The following NHS variants were observed in gnomAD, a reference collection of about 807,000 sequenced individuals.
NHS encodes actin remodeling regulator NHS.
A neutral mutation model predicts 72.5 loss-of-function variants in NHS; 5 were observed. The ratio of observed to expected loss-of-function variants is 0.07; its 90% CI spans 0.04 to 0.14. NHS has a LOEUF of 0.14. Ranked by LOEUF, NHS falls within the 10% of genes least tolerant of loss-of-function variation. The pLI is 1.00. For missense variants in NHS, 1,072 were observed against 1,355.7 expected (o/e 0.79, Z 3.29); for synonymous variants, 464 against 547.7 (o/e 0.85, Z 2.13).
At chrX:17,574,204 T>A (rs971343621) in intron 1 of NHS, among the ~76,000 whole-genome samples, 3 of 112,070 alleles carry the variant, frequency 2.7e-5, no homozygotes, top group Non-Finnish European at 3.8e-5. Context: ...GAACCACTGC[T>A]CTCTTCAGAG....
intron 1 of NHS, among the ~76,000 whole-genome samples, chrX:17,529,950 C>G (rs1200020943): frequency 9.0e-6 from 1 of 111,112 alleles, no homozygotes; most frequent in Non-Finnish European, 1.9e-5. Flanking sequence ...GTGCCTTTCA[C>G]TTCGCTTGGA....
chrX:17,461,613 G>A (rs144546543), intron 1 of NHS, among the ~76,000 whole-genome samples: 303 of 113,133 alleles, frequency 2.7e-3, no homozygotes, highest in African/African-American at 9.0e-3. Flanking sequence ...CTACATGTTA[G>A]ACTCTACAAG....
chrX:17,569,974 G>A (rs909696081), intron 1 of NHS, among the ~76,000 whole-genome samples: 2 of 111,817 alleles, frequency 1.8e-5, no homozygotes, highest in African/African-American at 6.5e-5. Context: ...AGATCAGATG[G>A]TGGTACATGT....
chrX:17,586,207 G>C (rs1232043346), intron 1 of NHS: 2 of 111,211 alleles, frequency 1.8e-5, no homozygotes, highest in Non-Finnish European at 3.8e-5. Context: ...GAACCATGTT[G>C]GTGGTCTGAG....
chrX:17,403,392 G>T (rs766129310), intron 1 of NHS, among the ~76,000 whole-genome samples: 135 of 111,779 alleles, frequency 1.2e-3, no homozygotes, highest in African/African-American at 4.2e-3. Flanking sequence ...AACGATTGCA[G>T]GCTCCAAGCC....
At chrX:17,446,204 C>T (rs2064779006) in intron 1 of NHS, among the ~76,000 whole-genome samples, 2 of 110,600 alleles carry the variant, frequency 1.8e-5, no homozygotes, top group South Asian at 7.9e-4. Flanking sequence ...TGAGAAACAT[C>T]GCCCATTATC....
chrX:17,560,799 C>T (rs1419244736), intron 1 of NHS, among the ~76,000 whole-genome samples: 1 of 112,519 alleles, frequency 8.9e-6, no homozygotes, highest in African/African-American at 3.2e-5. Flanking sequence ...ATTCTTTAGA[C>T]ATTCAAGTTT....
intron 1 of NHS, among the ~76,000 whole-genome samples, chrX:17,599,750 C>G (rs1286189898): frequency 9.9e-5 from 11 of 111,361 alleles, no homozygotes; most frequent in Non-Finnish European, 1.9e-5. Flanking sequence ...CATTATTTAA[C>G]GGGATGGGTT....
chrX:17,537,397 C>G (rs764807671), intron 1 of NHS, among the ~76,000 whole-genome samples: 3 of 112,547 alleles, frequency 2.7e-5, no homozygotes, highest in African/African-American at 9.7e-5. Flanking sequence ...GAGGAGAAAG[C>G]AAAGTGAATT....
chrX:17,718,791 A>AGAAG (rs1447749666), intron 3 of NHS, among the ~76,000 whole-genome samples: 1 of 79,992 alleles, frequency 1.3e-5, no homozygotes, highest in Non-Finnish European at 2.5e-5. Context: ...AAGGAGGGAA[A>AGAAG]GAAGGAAGGA....
chrX:17,378,907 A>G (rs1051286922), intron 1 of NHS, among the ~76,000 whole-genome samples: 1 of 111,760 alleles, frequency 8.9e-6, no homozygotes, highest in Non-Finnish European at 1.9e-5. Context: ...CAAAAAGCCT[A>G]TGATGTGCAC....
At chrX:17,424,845 C>T (rs755736027) in intron 1 of NHS, among the ~76,000 whole-genome samples, 87 of 111,717 alleles carry the variant, frequency 7.8e-4, no homozygotes, top group African/African-American at 2.7e-3. Flanking sequence ...GCCATTTTAA[C>T]GATGCTTAGA....
intron 1 of NHS, among the ~76,000 whole-genome samples, chrX:17,455,919 G>A (rs1854769835): frequency 9.0e-6 from 1 of 111,411 alleles, no homozygotes; most frequent in Admixed American, 9.5e-5. Context: ...AAGGTGGTGT[G>A]TAATTTGTAG....
At chrX:17,590,802 TACAC>T (rs1345438940) in intron 1 of NHS, among the ~76,000 whole-genome samples, 1 of 111,134 alleles carries the variant, frequency 9.0e-6, no homozygotes, top group African/African-American at 3.3e-5. Context: ...TATGTAAGAA[TACAC>T]ACACATCCCC....
At chrX:17,571,810 A>G (rs1313172915) in intron 1 of NHS, among the ~76,000 whole-genome samples, 1 of 112,297 alleles carries the variant, frequency 8.9e-6, no homozygotes, top group East Asian at 2.8e-4. Flanking sequence ...ATTTAGTGCT[A>G]TAAATTTTCC....
intron 6 of NHS, among the ~76,000 whole-genome samples, chrX:17,724,902 A>G (rs974702674): frequency 8.9e-6 from 1 of 112,072 alleles, no homozygotes; most frequent in Non-Finnish European, 1.9e-5. Flanking sequence ...ATCTCTGCCT[A>G]TGATTTTTAA....
intron 1 of NHS, among the ~76,000 whole-genome samples, chrX:17,580,401 G>C (rs764469634): frequency 8.2e-4 from 92 of 112,094 alleles, no homozygotes; most frequent in Non-Finnish European, 1.5e-3. Context: ...GATGATCTTA[G>C]TGAACAAAGC....
chrX:17,514,832 T>C (rs1291092128), intron 1 of NHS, among the ~76,000 whole-genome samples: 1 of 111,599 alleles, frequency 9.0e-6, no homozygotes, highest in Non-Finnish European at 1.9e-5. Flanking sequence ...GCTGTTTCCT[T>C]TGTCATTATT....
chrX:17,726,461 T>C lies in NHS; in HGVS notation c.2355T>C (p.Tyr785=). The change falls in exon 7 of 9, where the codon TAT becomes TAC. Residue 785 remains tyrosine (Y), a synonymous_variant. Coordinates refer to ENST00000676302, the MANE Select transcript of NHS (RefSeq NM_001291867.2). ...TTTCAGTAGACACGGAAGGATACTA[T>C]ACCTCCATGCACTTTGACTGTGGTC... is the stretch of plus-strand genomic sequence containing the variant. ...SHFSVDTEGY[Y]TSMHFDCGLK... is the part of the protein sequence containing the mutation. 9 of 1,212,080 alleles carry C rather than the reference T, an allele frequency of 7.4e-6. No homozygotes were observed. Among genetic ancestry groups the C allele is most frequent in the Non-Finnish European group, 1.0e-5 (9 of 895,534 alleles).
Sources: allele counts gnomAD v4.1 joint callset (sites outside exome capture counted in the v4.1 genomes callset), GRCh38; gene constraint gnomAD v4.1.1; transcripts MANE v1.5; gene names NCBI Gene and HGNC (gene_info 2026-07-23, HGNC 2026-07-21).